The following DPP6 variants were observed in gnomAD, a reference collection of about 807,000 sequenced individuals.
The protein encoded by DPP6 is A-type potassium channel modulatory protein DPP6.
DPP6 carries 69 observed loss-of-function variants against 122.6 expected under a neutral mutation model. The ratio of observed to expected loss-of-function variants is 0.56; its 90% confidence interval spans 0.46 to 0.69. DPP6 has a LOEUF of 0.69. DPP6 is among the 30% of genes least tolerant of loss of function. The pLI is 0.00. For synonymous variants in DPP6, 418 were observed against 433.1 expected (o/e 0.97, Z 0.43); for missense variants, 928 against 1,116.9 (o/e 0.83, Z 2.41).
At chr7:154,765,865 G>T (rs370338347) in intron 8 of DPP6, among the ~76,000 whole-genome samples, 1 of 152,194 alleles carries the variant, frequency 6.6e-6, no homozygotes, top group Non-Finnish European at 1.5e-5. Flanking sequence ...AATTAATTTC[G>T]TTGATGAAAT....
chr7:154,370,112 A>G (rs1812524886), intron 1 of DPP6, among the ~76,000 whole-genome samples: 1 of 151,826 alleles, frequency 6.6e-6, no homozygotes, highest in African/African-American at 2.4e-5. Flanking sequence ...CCTCCCTAGT[A>G]GCTGGGATTA....
Position 153,918,596 on chromosome 7 carries a change from CTCTCTCTCTCTCTCTCTCTCTCTG to C in DPP6, c.51+30871_51+30894del, listed in dbSNP as rs1563006327. Among the ~76,000 whole-genome samples the C allele has an allele frequency of 2.1e-4, 28 of 132,322 alleles. No homozygotes were observed. The East Asian group carries it at 3.5e-3, about 17-fold the overall frequency. 86.8% of individuals were successfully genotyped at this position (132,322 alleles called of 152,430 possible). ...TCTCTCTCTCTCTCTCTCTCTCTCT[CTCTCTCTCTCTCTCTCTCTCTCTG>C]TCTCTCTCACTACTGGTGATATCAT... is the stretch of plus-strand genomic sequence containing the variant. On this transcript the variant is annotated intron_variant, in intron 1 of 25. Transcript: ENST00000404039.
intron 6 of DPP6, among the ~76,000 whole-genome samples, chr7:154,656,665 C>T (rs1173655037): frequency 4.6e-5 from 7 of 151,980 alleles, no homozygotes; most frequent in Non-Finnish European, 8.8e-5. Flanking sequence ...GGACCAAGAC[C>T]GGTAGGCGTT....
At chr7:154,876,264 G>C in intron 20 of DPP6, 164 bp downstream of exon 20, 1 of 1,211,728 alleles carries the variant, frequency 8.3e-7, no homozygotes, top group East Asian at 2.9e-5. Flanking sequence ...AGTTTCAAAG[G>C]AAACTTAGGA....
intron 1 of DPP6, among the ~76,000 whole-genome samples, chr7:154,168,373 G>T (rs370397863): frequency 4.6e-5 from 7 of 152,282 alleles, no homozygotes; most frequent in South Asian, 2.1e-4. Context: ...TGATCACCCT[G>T]CTAGGGCCTA....
chr7:153,796,392 A>G, the DPP6 span, among the ~76,000 whole-genome samples: 2 of 143,286 alleles, frequency 1.4e-5, no homozygotes, highest in African/African-American at 2.6e-5. Flanking sequence ...ATGCTCTGAA[A>G]TCTACTTTAT....
At chr7:154,678,590 A>G (rs1465345486) in intron 7 of DPP6, among the ~76,000 whole-genome samples, 2 of 151,966 alleles carry the variant, frequency 1.3e-5, no homozygotes, top group African/African-American at 4.8e-5. Flanking sequence ...TAACCCTAAC[A>G]CTCACCGCGA....
intron 17 of DPP6, among the ~76,000 whole-genome samples, chr7:154,856,628 A>G (rs1802854169): frequency 6.6e-6 from 1 of 152,204 alleles, no homozygotes; most frequent in South Asian, 2.1e-4. Flanking sequence ...AAACAAAACA[A>G]CCACTTCTTT....
chr7:154,201,436 T>C (rs116718998), intron 1 of DPP6, among the ~76,000 whole-genome samples: 3,466 of 152,282 alleles, frequency 0.023, 133 homozygotes, highest in African/African-American at 0.078. Context: ...ACCAGGATTG[T>C]CCTGTAAAAG....
chr7:153,995,079 A>G (rs986237309), intron 1 of DPP6, among the ~76,000 whole-genome samples: 17 of 152,238 alleles, frequency 1.1e-4, no homozygotes, highest in Non-Finnish European at 2.4e-4. Flanking sequence ...AAAACAAGAA[A>G]TCTCAGAATG....
chr7:153,794,089 C>T, the DPP6 span, among the ~76,000 whole-genome samples: 76 of 152,340 alleles, frequency 5.0e-4, no homozygotes, highest in Non-Finnish European at 9.4e-4. Flanking sequence ...AATGTGGGAT[C>T]GGAGCCCCCA....
At chr7:154,253,010 A>T (rs1349491222) in intron 1 of DPP6, among the ~76,000 whole-genome samples, 1 of 152,238 alleles carries the variant, frequency 6.6e-6, no homozygotes, top group African/African-American at 2.4e-5. Context: ...TTGGGTAAAC[A>T]TGGAAAGAAG....
chr7:153,983,595 G>C (rs1796699388), intron 1 of DPP6, among the ~76,000 whole-genome samples: 1 of 152,058 alleles, frequency 6.6e-6, no homozygotes, highest in East Asian at 1.9e-4. Flanking sequence ...ACTGGGGTAT[G>C]ATAAAAAACT....
intron 1 of DPP6, among the ~76,000 whole-genome samples, chr7:154,245,710 G>A (rs1289052484): frequency 6.6e-6 from 1 of 151,144 alleles, no homozygotes; most frequent in African/African-American, 2.4e-5. Context: ...TGCTGTTAGA[G>A]GAAAAGAGAG....
At chr7:154,179,427 T>C (rs1797967058) in intron 1 of DPP6, among the ~76,000 whole-genome samples, 1 of 152,160 alleles carries the variant, frequency 6.6e-6, no homozygotes. Context: ...AGAATTTCTT[T>C]TACATTAGAA....
intron 1 of DPP6, among the ~76,000 whole-genome samples, chr7:154,391,744 G>T (rs1161837072): frequency 6.6e-6 from 1 of 152,184 alleles, no homozygotes; most frequent in Admixed American, 6.5e-5. Context: ...TGAGGATAAA[G>T]TGTGGGTGCT....
intron 7 of DPP6, among the ~76,000 whole-genome samples, chr7:154,685,856 G>T (rs1204694058): frequency 2.6e-5 from 4 of 152,116 alleles, no homozygotes; most frequent in African/African-American, 9.7e-5. Flanking sequence ...TTTGAATCCT[G>T]GATGAGAAGT....
chr7:154,179,170 C>T (rs919822453), intron 1 of DPP6, among the ~76,000 whole-genome samples: 6 of 152,122 alleles, frequency 3.9e-5, no homozygotes, highest in Non-Finnish European at 5.9e-5. Context: ...AGGAGATGAC[C>T]CCAGAGAGGA....
intron 16 of DPP6, among the ~76,000 whole-genome samples, chr7:154,852,500 GCCTCTCCTC>G (rs1554486772): frequency 8.2e-4 from 118 of 144,038 alleles, no homozygotes; most frequent in Middle Eastern, 7.3e-3. Flanking sequence ...TGCCTCTCCT[GCCTCTCCTC>G]CCTCTCCTCC....
Sources: allele counts gnomAD v4.1 joint callset (sites outside exome capture counted in the v4.1 genomes callset), GRCh38; gene constraint gnomAD v4.1.1; transcripts MANE v1.5; gene names NCBI Gene and HGNC (gene_info 2026-07-23, HGNC 2026-07-21).